COMMD1: variants seen among roughly 807,000 people sequenced by gnomAD.
COMMD1 encodes the protein COMM domain-containing protein 1.
COMMD1 carries 10 observed loss-of-function variants against 17.2 expected under a neutral mutation model. That is an observed-to-expected ratio of 0.58 (90% confidence interval 0.36 to 0.99). COMMD1 has a LOEUF of 0.99. Among genes scored for constraint, COMMD1 ranks in the 50% least tolerant of loss-of-function variants. The pLI, the probability that COMMD1 is intolerant of heterozygous loss-of-function variation, is 0.01. For missense variants in COMMD1, 270 were observed against 231.8 expected, an observed-to-expected ratio of 1.17 and a Z score of -1.07; for synonymous variants, 97 against 91.6, an observed-to-expected ratio of 1.06 and a Z score of -0.34.
chr2:61,903,304 C>T (rs1021447781), upstream of COMMD1, among the ~76,000 whole-genome samples: 2 of 151,588 alleles, frequency 1.3e-5, no homozygotes, highest in African/African-American at 2.4e-5. Context: ...ATTAGCTGGG[C>T]GTGGTGGCGC....
At chr2:62,047,214 A>G (rs192028717) in intron 2 of COMMD1, among the ~76,000 whole-genome samples, 10 of 152,334 alleles carry the variant, frequency 6.6e-5, no homozygotes, top group Admixed American at 5.2e-4. Flanking sequence ...GACTGCATAT[A>G]TGATGCTGGT....
upstream of COMMD1, among the ~76,000 whole-genome samples, chr2:61,901,699 A>G (rs1446076840): frequency 2.0e-5 from 3 of 152,196 alleles, no homozygotes; most frequent in Admixed American, 1.3e-4. Context: ...TTACAACAGT[A>G]TTACATGTAC....
rs190847056 is a variant in COMMD1, at chr2:61,951,415, G to A, written c.180+45557G>A. On this transcript the variant is annotated intron_variant, in intron 1 of 2. Coordinates refer to ENST00000311832, the MANE Select transcript of COMMD1 (RefSeq NM_152516.4). ...ATAGAGATTGCAGTGAGCCGACATC[G>A]TGCCACAGCACTCCAGCCTCGGTAA... is the stretch of plus-strand genomic sequence containing the variant. Among the ~76,000 whole-genome samples the A allele has an allele frequency of 3.0e-4, 45 of 151,096 alleles. No homozygotes were observed. The East Asian group carries it at 8.1e-3, about 27-fold the overall frequency.
intron 2 of COMMD1, among the ~76,000 whole-genome samples, chr2:62,120,779 G>A (rs546764004): frequency 6.6e-6 from 1 of 151,970 alleles, no homozygotes; most frequent in African/African-American, 2.4e-5. Flanking sequence ...AGGCTGGAGT[G>A]CAGTGGCGCA....
chr2:62,020,994 A>C (rs892460730), intron 2 of COMMD1, among the ~76,000 whole-genome samples: 2 of 151,302 alleles, frequency 1.3e-5, no homozygotes, highest in Non-Finnish European at 2.9e-5. Context: ...CAAGAGCAAA[A>C]GTCCGTCTCA....
chr2:62,041,715 A>T (rs1321005628), intron 2 of COMMD1, among the ~76,000 whole-genome samples: 7 of 151,794 alleles, frequency 4.6e-5, no homozygotes, highest in African/African-American at 1.7e-4. Flanking sequence ...GAAGCCGCGG[A>T]CCCTCACGGG....
Position 62,048,440 on chromosome 2 carries a change from G to A in COMMD1, c.462+47458G>A, listed in dbSNP as rs377308492. Reference sequence around the variant, plus strand: ...CCTGACCTCGTGATCCGCCCGCCTCGCCCTCCCAAAGTGCTGGGATTACAG... The same window carrying A: ...CCTGACCTCGTGATCCGCCCGCCTCACCCTCCCAAAGTGCTGGGATTACAG... On this transcript the variant is annotated intron_variant, in intron 2 of 2. Transcript: ENST00000311832. Among the ~76,000 whole-genome samples the A allele has an allele frequency of 9.9e-4, 150 of 151,840 alleles. 2 individuals carry two copies. The East Asian group carries it at 0.026, about 26-fold the overall frequency.
At chr2:61,913,952 A>G (rs1572956175) in intron 1 of COMMD1, among the ~76,000 whole-genome samples, 10 of 152,240 alleles carry the variant, frequency 6.6e-5, no homozygotes, top group Admixed American at 6.5e-4. Flanking sequence ...TGGGCGGATC[A>G]TGAGGTCAGG....
At chr2:61,975,352 A>G (rs1425139308) in intron 1 of COMMD1, among the ~76,000 whole-genome samples, 2 of 152,032 alleles carry the variant, frequency 1.3e-5, no homozygotes, top group African/African-American at 4.8e-5. Flanking sequence ...TGTGGATGTA[A>G]TTTTTCAATT....
chr2:62,001,358 C>T (rs1668935697), intron 2 of COMMD1, among the ~76,000 whole-genome samples: 1 of 152,202 alleles, frequency 6.6e-6, no homozygotes, highest in South Asian at 2.1e-4. Flanking sequence ...CTCATCCAGT[C>T]ATCTTTAATA....
At chr2:61,895,394 G>C (rs947373576) in intron 1 of COMMD1, among the ~76,000 whole-genome samples, 2 of 152,196 alleles carry the variant, frequency 1.3e-5, no homozygotes, top group African/African-American at 4.8e-5. Flanking sequence ...GATCGAGGTT[G>C]CAGCTCCAGA....
chr2:62,049,531 T>C (rs537047731), intron 2 of COMMD1, among the ~76,000 whole-genome samples: 1 of 152,276 alleles, frequency 6.6e-6, no homozygotes, highest in South Asian at 2.1e-4. Context: ...CCTCCCCTAA[T>C]GCACAGGACA....
chr2:62,121,490 A>G (rs1169965034), intron 2 of COMMD1, among the ~76,000 whole-genome samples: 1 of 150,300 alleles, frequency 6.7e-6, no homozygotes, highest in Non-Finnish European at 1.5e-5. Flanking sequence ...TGTAATCCCA[A>G]CACTTTGGAG....
chr2:61,914,810 C>A (rs960211373), intron 1 of COMMD1, among the ~76,000 whole-genome samples: 16 of 151,274 alleles, frequency 1.1e-4, no homozygotes, highest in Middle Eastern at 3.4e-3. Flanking sequence ...CGTGTCTCAG[C>A]CACCCGAGTG....
chr2:61,925,189 GA>G (rs1484830283), intron 1 of COMMD1, among the ~76,000 whole-genome samples: 23 of 151,668 alleles, frequency 1.5e-4, no homozygotes, highest in African/African-American at 5.4e-4. Flanking sequence ...GGGAGGGAGA[GA>G]GTGGGGGAGA....
At chr2:61,902,751 C>G (rs1669685023), upstream of COMMD1, among the ~76,000 whole-genome samples, 1 of 152,054 alleles carries the variant, frequency 6.6e-6, no homozygotes, top group African/African-American at 2.4e-5. Flanking sequence ...AGCCTGAGAT[C>G]GGAGGATAAC....
intron 2 of COMMD1, among the ~76,000 whole-genome samples, chr2:62,048,638 A>G (rs1670450777): frequency 6.6e-6 from 1 of 151,708 alleles, no homozygotes; most frequent in Non-Finnish European, 1.5e-5. Flanking sequence ...GGTAAAGTTT[A>G]TACGTGTGTG....
At chr2:62,123,218 G>A (rs991565892) in intron 2 of COMMD1, among the ~76,000 whole-genome samples, 16 of 151,986 alleles carry the variant, frequency 1.1e-4, no homozygotes, top group Non-Finnish European at 2.1e-4. Context: ...TAAAAAGAAA[G>A]GCATGGGCCA....
chr2:62,000,025 C>T (rs1049431583), intron 1 of COMMD1, among the ~76,000 whole-genome samples: 3 of 149,856 alleles, frequency 2.0e-5, no homozygotes, highest in Non-Finnish European at 3.0e-5. Context: ...CGGGTTCAAG[C>T]GATTCTCCTG....
Sources: gnomAD v4.1 joint callset for allele counts (sites outside exome capture counted in the v4.1 genomes callset) on GRCh38, gnomAD v4.1.1 for gene constraint, MANE v1.5 for transcripts, NCBI Gene and HGNC (gene_info 2026-07-23, HGNC 2026-07-21) for gene names.